Variants in DNAH3 observed in about 807,000 individuals in gnomAD.
DNAH3 encodes axonemal beta dynein heavy chain 3.
A neutral mutation model predicts 432.5 loss-of-function variants in DNAH3; 332 were observed. That is an observed-to-expected ratio of 0.77 (90% CI 0.70 to 0.84). DNAH3 has a LOEUF of 0.84. DNAH3 is among the 40% of genes least tolerant of loss of function. The pLI, the probability that DNAH3 is intolerant of heterozygous loss-of-function variation, is 0.00. For missense variants in DNAH3, 4,861 were observed against 5,114.0 expected (o/e 0.95, Z 1.51); for synonymous variants, 1,956 against 1,900.2 (o/e 1.03, Z -0.76).
chr16:21,099,288 G>A (rs1473094927), intron 16 of DNAH3, among the ~76,000 whole-genome samples: 10 of 148,594 alleles, frequency 6.7e-5, no homozygotes, highest in African/African-American at 2.5e-4. Flanking sequence ...ATGGATGGAT[G>A]GATGAATGGA....
chr16:21,141,611 T>C (rs940481019), intron 3 of DNAH3, among the ~76,000 whole-genome samples: 1 of 152,258 alleles, frequency 6.6e-6, no homozygotes, highest in African/African-American at 2.4e-5. Context: ...AAAGTGGGGA[T>C]GTGCGTATCT....
chr16:21,089,029 T>C (rs1246100554), intron 18 of DNAH3, among the ~76,000 whole-genome samples: 2 of 152,146 alleles, frequency 1.3e-5, no homozygotes, highest in Admixed American at 6.5e-5. Context: ...ATGTGAGCTA[T>C]AGGGAGAAAT....
intron 18 of DNAH3, among the ~76,000 whole-genome samples, chr16:21,091,542 G>A (rs7203249): frequency 0.038 from 5,809 of 152,222 alleles, 380 homozygotes; most frequent in African/African-American, 0.13. Flanking sequence ...CATAGCCCAG[G>A]CACAGTGGCT....
chr16:21,020,373 C>A (rs1279250275), intron 40 of DNAH3, among the ~76,000 whole-genome samples: 7 of 43,442 alleles, frequency 1.6e-4, no homozygotes, highest in Non-Finnish European at 2.4e-4. Flanking sequence ...TATATAAAAT[C>A]ACTATATATA....
chr16:21,155,594 C>G (rs1207095116), intron 1 of DNAH3, among the ~76,000 whole-genome samples: 2 of 140,332 alleles, frequency 1.4e-5, no homozygotes, highest in Non-Finnish European at 3.0e-5. Context: ...TGCACTCCAG[C>G]CTGGGAGACA....
At chr16:21,138,681 T>C (rs2152827018) in intron 5 of DNAH3, among the ~76,000 whole-genome samples, 1 of 152,000 alleles carries the variant, frequency 6.6e-6, no homozygotes, top group East Asian at 1.9e-4. Flanking sequence ...ATGGTGGCAG[T>C]TGCCTGTAAT....
intron 31 of DNAH3, among the ~76,000 whole-genome samples, chr16:21,046,833 T>A (rs1386639437): frequency 6.6e-6 from 1 of 152,206 alleles, no homozygotes; most frequent in Non-Finnish European, 1.5e-5. Flanking sequence ...CTTTCCATGT[T>A]TAGTGCTTCC....
intron 41 of DNAH3, among the ~76,000 whole-genome samples, chr16:21,003,784 T>C (rs1262215317): frequency 6.7e-6 from 1 of 148,466 alleles, no homozygotes; most frequent in African/African-American, 2.6e-5. Context: ...CAAAAATAAA[T>C]CAATAAATAT....
At chr16:21,036,071 A>G (rs905698060) in intron 35 of DNAH3, among the ~76,000 whole-genome samples, 5 of 152,198 alleles carry the variant, frequency 3.3e-5, no homozygotes, top group African/African-American at 1.2e-4. Context: ...ACAGCAAAAA[A>G]TGATGGGATT....
intron 35 of DNAH3, 86 bp from the exon 36 acceptor site, chr16:21,034,171 G>A (rs2089043507): frequency 1.2e-6 from 1 of 852,270 alleles, no homozygotes; most frequent in Non-Finnish European, 1.9e-6. Flanking sequence ...GAGGAATGAG[G>A]GGTCAGAAGA....
chr16:21,007,650 T>A (rs540535438), intron 41 of DNAH3, among the ~76,000 whole-genome samples: 1 of 152,208 alleles, frequency 6.6e-6, no homozygotes, highest in Non-Finnish European at 1.5e-5. Context: ...ATTTCACCCA[T>A]TCTGTGGGAT....
chr16:21,046,783 C>A (rs1248131569), intron 31 of DNAH3, among the ~76,000 whole-genome samples: 4 of 152,076 alleles, frequency 2.6e-5, no homozygotes, highest in Non-Finnish European at 5.9e-5. Context: ...ATGGTCTTTA[C>A]ATTTTGGCAT....
intron 16 of DNAH3, among the ~76,000 whole-genome samples, chr16:21,102,031 A>T (rs2091849709): frequency 6.6e-6 from 1 of 152,244 alleles, no homozygotes; most frequent in South Asian, 2.1e-4. Context: ...TTGTTTTCTC[A>T]TGAGATGGAT....
At chr16:21,067,412 T>C in exon 24 of DNAH3, 1 of 1,613,846 alleles carries the variant, frequency 6.2e-7, no homozygotes, top group South Asian at 1.1e-5. Flanking sequence ...AATCCTGTTA[T>C]CTTTCACCTG....
intron 50 of DNAH3, among the ~76,000 whole-genome samples, chr16:20,977,206 G>A (rs1191127966): frequency 6.6e-6 from 1 of 152,008 alleles, no homozygotes; most frequent in African/African-American, 2.4e-5. Context: ...GAGAAACCCT[G>A]TCCCTACTAA....
intron 41 of DNAH3, among the ~76,000 whole-genome samples, chr16:21,007,076 G>A (rs1336051528): frequency 6.6e-6 from 1 of 152,064 alleles, no homozygotes; most frequent in Non-Finnish European, 1.5e-5. Context: ...ACCAATACTT[G>A]TTGTTTTTCA....
intron 43 of DNAH3, among the ~76,000 whole-genome samples, chr16:20,998,646 T>C (rs749146235): frequency 6.7e-5 from 10 of 148,482 alleles, no homozygotes; most frequent in Non-Finnish European, 1.2e-4. Context: ...AGTATATTAC[T>C]CAGTCCTGGC....
chr16:20,985,206 AC>A lies in DNAH3; in HGVS notation c.7535del (p.Gly2512ValfsTer45). On this transcript the variant is annotated frameshift_variant, in exon 48 of 62. Coordinates refer to ENST00000261383, the Ensembl canonical transcript of DNAH3. LOFTEE classifies it high-confidence loss of function. ...CAGCAGGGAAGATGTTAGGCACGTCACCTGTGTTCAGAAGCATGTTGATGTC... is the reference window on the plus strand; with the variant it reads ...CAGCAGGGAAGATGTTAGGCACGTCACTGTGTTCAGAAGCATGTTGATGTC... The A allele has an allele frequency of 1.9e-6, 3 of 1,614,092 alleles. No individual in the cohort carries two copies. The highest frequency in any genetic ancestry group is 2.5e-6 in the Non-Finnish European group (3 of 1,180,032).
chr16:20,965,745 C>A (rs914811018), intron 52 of DNAH3, among the ~76,000 whole-genome samples: 3 of 152,134 alleles, frequency 2.0e-5, no homozygotes, highest in Non-Finnish European at 4.4e-5. Flanking sequence ...CAGAGTCTTG[C>A]ACTGTCAGCC....
Sources: allele counts gnomAD v4.1 joint callset (sites outside exome capture counted in the v4.1 genomes callset), GRCh38; gene constraint gnomAD v4.1.1; transcripts MANE v1.5; gene names NCBI Gene and HGNC (gene_info 2026-07-23, HGNC 2026-07-21).